Variants in CNTNAP5 observed in about 807,000 individuals in gnomAD.
CNTNAP5 encodes contactin associated protein family member 5, also known as contactin-associated protein-like 5.
Under a neutral mutation model 150.2 loss-of-function variants are expected in CNTNAP5, and 72 were observed. The ratio of observed to expected loss-of-function variants is 0.48; its 90% CI spans 0.40 to 0.58. The LOEUF is 0.58. CNTNAP5 is among the 20% of genes least tolerant of loss of function. CNTNAP5 has a pLI of 0.00. For missense variants in CNTNAP5, 1,636 were observed against 1,626.2 expected (o/e 1.01, Z -0.10); for synonymous variants, 672 against 619.8 (o/e 1.08, Z -1.25).
chr2:124,873,638 G>A (rs1201512168), intron 21 of CNTNAP5, among the ~76,000 whole-genome samples: 1 of 152,010 alleles, frequency 6.6e-6, no homozygotes, highest in Non-Finnish European at 1.5e-5. Context: ...TTTGGAACAA[G>A]GAAACCAAAC....
In CNTNAP5 at chr2:124,790,059, C is replaced by T. The variant is rs373670901; in HGVS notation, c.2910C>T (p.Asn970=). 5.1e-5 allele frequency: 83 copies of T among 1,613,764 alleles called. No individual in the cohort carries two copies. Among genetic ancestry groups the T allele is most frequent in the Middle Eastern group, 1.6e-4 (1 of 6,084 alleles). ...GCAGCTACGGCAGCATCTGCCACAA[C>T]GGGGGCAAGTGTGTGGAGAAGCACA... ...HCSSYGSICH[N]GGKCVEKHNG... is the part of the protein sequence containing the mutation. The change falls in exon 18 of 24, where the codon AAC becomes AAT. Residue 970 remains asparagine, a synonymous_variant. Transcript: ENST00000682447.
intron 3 of CNTNAP5, among the ~76,000 whole-genome samples, chr2:124,366,530 A>T (rs1325378899): frequency 1.3e-5 from 2 of 152,194 alleles, no homozygotes; most frequent in African/African-American, 4.8e-5. Flanking sequence ...TAAACTACCA[A>T]GTCTGTGTCC....
At chr2:124,878,496 C>A (rs1677903947) in intron 21 of CNTNAP5, among the ~76,000 whole-genome samples, 1 of 152,006 alleles carries the variant, frequency 6.6e-6, no homozygotes, top group Non-Finnish European at 1.5e-5. Context: ...TCCAACCTAG[C>A]ATTTTCCCTT....
chr2:124,510,285 CTA>C (rs1439563096), intron 8 of CNTNAP5, among the ~76,000 whole-genome samples: 1 of 73,300 alleles, frequency 1.4e-5, no homozygotes, highest in African/African-American at 6.6e-5. Context: ...ATATCTATAT[CTA>C]TATATCTATA....
chr2:124,112,315 G>A (rs892822674), intron 1 of CNTNAP5, among the ~76,000 whole-genome samples: 4 of 152,092 alleles, frequency 2.6e-5, no homozygotes, highest in Non-Finnish European at 4.4e-5. Context: ...CTAGAACTCT[G>A]TCTCACACCT....
At chr2:124,818,454 G>GGT (rs1558788030) in intron 19 of CNTNAP5, among the ~76,000 whole-genome samples, 2 of 152,034 alleles carry the variant, frequency 1.3e-5, no homozygotes, top group Admixed American at 6.5e-5. Context: ...TTGAGCCCAA[G>GGT]GGGGGTTTGC....
chr2:124,721,971 G>C (rs1223868888), intron 13 of CNTNAP5, among the ~76,000 whole-genome samples: 1 of 151,936 alleles, frequency 6.6e-6, no homozygotes, highest in Non-Finnish European at 1.5e-5. Flanking sequence ...TTTCTTCTCT[G>C]CTTGCACACC....
At chr2:124,884,750 AT>A (rs1185550540) in intron 21 of CNTNAP5, among the ~76,000 whole-genome samples, 3 of 151,892 alleles carry the variant, frequency 2.0e-5, no homozygotes, top group Non-Finnish European at 4.4e-5. Flanking sequence ...TTTATGTCTC[AT>A]TTTTTGGTGA....
rs545261186 is a variant in CNTNAP5 at position 124,067,377 on chromosome 2, G to T, written c.82+41645G>T. ...CTGTTTCTTGCCCCTTCTGGCTCTG[G>T]AAGCTGCCAGCATTCCTTGATCTGT... On this transcript the variant is annotated intron_variant, in intron 1 of 23. Transcript: ENST00000682447. Among the ~76,000 whole-genome samples, 13 of 152,260 alleles carry T rather than the reference G, an allele frequency of 8.5e-5. No individual in the cohort carries two copies. In the East Asian group the frequency reaches 2.5e-3, roughly 29 times the overall value.
At chr2:124,813,115 C>T (rs535926656) in intron 19 of CNTNAP5, among the ~76,000 whole-genome samples, 2 of 151,802 alleles carry the variant, frequency 1.3e-5, no homozygotes, top group East Asian at 1.9e-4. Context: ...CTTGCTCTGT[C>T]GCCCAGGCTG....
chr2:124,472,405 ATTG>A (rs368528565), intron 6 of CNTNAP5, among the ~76,000 whole-genome samples: 4 of 152,010 alleles, frequency 2.6e-5, no homozygotes, highest in African/African-American at 4.8e-5. Flanking sequence ...TCGTGATGGT[ATTG>A]TTGTTGATGT....
chr2:124,792,697 G>A (rs1380090786), intron 18 of CNTNAP5, among the ~76,000 whole-genome samples: 4 of 152,006 alleles, frequency 2.6e-5, no homozygotes, highest in South Asian at 2.1e-4. Context: ...ACCTCTTCCC[G>A]TGTCCCTGGA....
At chr2:124,589,370 C>T (rs1053261170) in intron 11 of CNTNAP5, among the ~76,000 whole-genome samples, 96 of 152,278 alleles carry the variant, frequency 6.3e-4, no homozygotes, top group African/African-American at 2.2e-3. Context: ...CATTCCTTTT[C>T]ACTGCCTAGT....
intron 13 of CNTNAP5, among the ~76,000 whole-genome samples, chr2:124,699,298 A>G (rs1679470249): frequency 6.6e-6 from 1 of 152,132 alleles, no homozygotes; most frequent in South Asian, 2.1e-4. Flanking sequence ...ATTCACTTTC[A>G]TGCTTATATG....
chr2:124,804,219 G>C (rs772533753), intron 19 of CNTNAP5, among the ~76,000 whole-genome samples: 4 of 152,280 alleles, frequency 2.6e-5, no homozygotes, highest in Non-Finnish European at 5.9e-5. Context: ...GGGCGATAAA[G>C]AGTCCTCCTG....
intron 11 of CNTNAP5, among the ~76,000 whole-genome samples, chr2:124,570,408 G>A (rs1374911130): frequency 3.3e-5 from 5 of 152,130 alleles, no homozygotes; most frequent in Non-Finnish European, 7.3e-5. Context: ...CAAAGTGGGG[G>A]CTATGGGACA....
chr2:124,529,438 A>G (rs907190205), intron 10 of CNTNAP5, among the ~76,000 whole-genome samples: 11 of 152,154 alleles, frequency 7.2e-5, no homozygotes, highest in African/African-American at 2.4e-4. Flanking sequence ...CATTAATTGT[A>G]TAATAAGGGA....
chr2:124,661,174 A>G (rs11679251), intron 13 of CNTNAP5, among the ~76,000 whole-genome samples: 46,131 of 151,896 alleles, frequency 0.3, 7,753 homozygotes, highest in Non-Finnish European at 0.38. Context: ...TCAATAACAA[A>G]TTAACATTAA....
chr2:124,064,657 A>G (rs1682107353), intron 1 of CNTNAP5, among the ~76,000 whole-genome samples: 1 of 152,152 alleles, frequency 6.6e-6, no homozygotes, highest in Non-Finnish European at 1.5e-5. Flanking sequence ...AAAACTTCAT[A>G]AAATGTCTTA....
Sources: gnomAD v4.1 joint callset for allele counts (sites outside exome capture counted in the v4.1 genomes callset) on GRCh38, gnomAD v4.1.1 for gene constraint, MANE v1.5 for transcripts, NCBI Gene and HGNC (gene_info 2026-07-23, HGNC 2026-07-21) for gene names.